Variants in DACH2 observed in about 807,000 individuals in gnomAD.
DACH2 encodes the protein dachshund homolog 2.
DACH2 carries 17 observed loss-of-function variants against 35.8 expected under a neutral mutation model. The ratio of observed to expected loss-of-function variants is 0.48; its 90% CI spans 0.33 to 0.71. The LOEUF (loss-of-function observed/expected upper bound fraction) is 0.71, where lower values mean the gene tolerates loss of function less well. DACH2 is among the 30% of genes least tolerant of loss of function. DACH2 has a pLI of 0.02. For missense variants in DACH2, 469 were observed against 472.7 expected, an observed-to-expected ratio of 0.99 and a Z score of 0.07; for synonymous variants, 195 against 177.3, an observed-to-expected ratio of 1.10 and a Z score of -0.79.
intron 7 of DACH2, among the ~76,000 whole-genome samples, chrX:86,785,405 C>T (rs2042127641): frequency 8.9e-6 from 1 of 111,837 alleles, no homozygotes; most frequent in Admixed American, 9.5e-5. Flanking sequence ...AGCCCTCAGA[C>T]ATTCCAATGT....
intron 6 of DACH2, among the ~76,000 whole-genome samples, chrX:86,720,974 C>T (rs893024048): frequency 8.9e-6 from 1 of 112,606 alleles, no homozygotes; most frequent in Admixed American, 9.3e-5. Flanking sequence ...GGGGCTTGCA[C>T]CCTCTGAAAC....
intron 5 of DACH2, among the ~76,000 whole-genome samples, chrX:86,712,545 T>G (rs192067177): frequency 9.0e-6 from 1 of 110,853 alleles, no homozygotes; most frequent in Admixed American, 9.7e-5. Flanking sequence ...TATGTGTGTG[T>G]ACACATATAT....
intron 1 of DACH2, among the ~76,000 whole-genome samples, chrX:86,373,655 A>ATGG (rs887255190): frequency 8.1e-5 from 9 of 111,003 alleles, no homozygotes; most frequent in African/African-American, 2.6e-4. Context: ...CGTCTGTTAA[A>ATGG]TGGTGGTGGT....
At chrX:86,724,368 T>A (rs2041441792) in intron 6 of DACH2, among the ~76,000 whole-genome samples, 1 of 112,016 alleles carries the variant, frequency 8.9e-6, no homozygotes, top group African/African-American at 3.2e-5. Context: ...TTTTGAACAT[T>A]TAATGTATGA....
At chrX:86,268,918 T>C (rs1308744980) in intron 1 of DACH2, among the ~76,000 whole-genome samples, 1 of 111,440 alleles carries the variant, frequency 9.0e-6, no homozygotes, top group Non-Finnish European at 1.9e-5. Flanking sequence ...ATGCGATCTA[T>C]AATAATCACA....
chrX:86,733,434 T>C (rs953337594), intron 6 of DACH2, among the ~76,000 whole-genome samples: 4 of 112,033 alleles, frequency 3.6e-5, no homozygotes, highest in African/African-American at 1.3e-4. Context: ...ACTATTAGCA[T>C]GTGTAGCTAA....
chrX:86,648,999 C>A (rs888493116), intron 3 of DACH2, among the ~76,000 whole-genome samples: 1 of 109,703 alleles, frequency 9.1e-6, no homozygotes, highest in Non-Finnish European at 1.9e-5. Context: ...ACAAATACAT[C>A]TAGGTTCCAT....
intron 2 of DACH2, among the ~76,000 whole-genome samples, chrX:86,501,223 C>T (rs1055336525): frequency 3.6e-5 from 4 of 111,771 alleles, no homozygotes; most frequent in African/African-American, 9.7e-5. Flanking sequence ...GAAGGAGGCC[C>T]AAGGTGAAAT....
intron 3 of DACH2, among the ~76,000 whole-genome samples, chrX:86,603,110 G>A (rs959088795): frequency 9.0e-6 from 1 of 111,190 alleles, no homozygotes; most frequent in African/African-American, 3.3e-5. Context: ...AAGGTTGTGA[G>A]TGAATGGTCT....
At chrX:86,227,720 C>T (rs1264128348) in intron 1 of DACH2, among the ~76,000 whole-genome samples, 1 of 107,015 alleles carries the variant, frequency 9.3e-6, no homozygotes, top group Non-Finnish European at 1.9e-5. Flanking sequence ...CTATGCTATT[C>T]TTCTTTTAAA....
rs1476465978 is a variant in DACH2 at position 86,420,405 on chromosome X, A to G, written c.527+43543A>G. The stretch of plus-strand genomic sequence containing the variant: ...TTTTGTGACAGACATGAACATGCAC[A>G]CTTTCTTTTCCTTACATAATTATGA... On this transcript the variant is annotated intron_variant, in intron 2 of 11. Transcript: ENST00000373125. 2.7e-5 allele frequency among the ~76,000 whole-genome samples: 3 copies of G among 112,087 alleles called. No homozygotes were observed. The East Asian group carries it at 8.4e-4, about 31-fold the overall frequency.
intron 3 of DACH2, among the ~76,000 whole-genome samples, chrX:86,646,701 G>T (rs1480594121): frequency 9.2e-6 from 1 of 109,083 alleles, no homozygotes; most frequent in Non-Finnish European, 1.9e-5. Context: ...TATAACAAAG[G>T]GTTAGTATAC....
intron 1 of DACH2, among the ~76,000 whole-genome samples, chrX:86,317,117 A>C (rs2034927008): frequency 1.1e-4 from 2 of 18,889 alleles, no homozygotes; most frequent in South Asian, 4.4e-3. Flanking sequence ...ACTCCATCTC[A>C]AAAAAAAAAA....
intron 1 of DACH2, among the ~76,000 whole-genome samples, chrX:86,365,695 A>G (rs868135466): frequency 4.5e-5 from 5 of 111,583 alleles, no homozygotes; most frequent in African/African-American, 1.6e-4. Flanking sequence ...TTTGAAGTCA[A>G]TACTATCGCC....
chrX:86,324,356 C>G (rs896240430), intron 1 of DACH2, among the ~76,000 whole-genome samples: 1 of 110,953 alleles, frequency 9.0e-6, no homozygotes, highest in Non-Finnish European at 1.9e-5. Flanking sequence ...GAGATGGAGT[C>G]TATCCCTGGT....
At chrX:86,433,133 T>C (rs1191305459) in intron 2 of DACH2, among the ~76,000 whole-genome samples, 1 of 111,840 alleles carries the variant, frequency 8.9e-6, no homozygotes, top group Non-Finnish European at 1.9e-5. Context: ...AAGAGTTTAG[T>C]TTTTAAAAGT....
In DACH2 at chrX:86,308,490, T is replaced by C. The variant is rs746642417; in HGVS notation, c.489-68334T>C. On this transcript the variant is annotated intron_variant, in intron 1 of 11. Coordinates refer to ENST00000373125, the MANE Select transcript of DACH2 (RefSeq NM_053281.3). ...GCTTACTGCATTCCCACTTAAATTA[T>C]ACAAACAGAAAACTTGTAGGTCGAA... Among the ~76,000 whole-genome samples the C allele has an allele frequency of 3.2e-3, 363 of 112,284 alleles. 2 individuals are homozygous for C. The highest frequency in any genetic ancestry group is 0.011 in the African/African-American group (352 of 30,924).
intron 2 of DACH2, among the ~76,000 whole-genome samples, chrX:86,422,534 T>A (rs1255946417): frequency 9.1e-6 from 1 of 110,256 alleles, no homozygotes; most frequent in African/African-American, 3.3e-5. Flanking sequence ...TTTAAAAAAT[T>A]TTTTTGTGGG....
intron 1 of DACH2, among the ~76,000 whole-genome samples, chrX:86,195,128 G>A (rs1262638271): frequency 4.4e-5 from 5 of 112,946 alleles, no homozygotes; most frequent in Admixed American, 9.3e-5. Flanking sequence ...CAGCATGTGC[G>A]TGTACAGGCG....
Sources: allele counts gnomAD v4.1 joint callset (sites outside exome capture counted in the v4.1 genomes callset), GRCh38; gene constraint gnomAD v4.1.1; transcripts MANE v1.5; gene names NCBI Gene and HGNC (gene_info 2026-07-23, HGNC 2026-07-21).